RPL13A: variants seen among roughly 807,000 people sequenced by gnomAD.
RPL13A encodes the protein large ribosomal subunit protein uL13.
Under a neutral mutation model 30.8 loss-of-function variants are expected in RPL13A, and 4 were observed. The observed-to-expected ratio is 0.13, with a 90% CI of 0.06 to 0.30. The LOEUF (loss-of-function observed/expected upper bound fraction) is 0.30, where lower values mean the gene tolerates loss of function less well. Among genes scored for constraint, RPL13A ranks in the 10% least tolerant of loss-of-function variants. The probability of loss-of-function intolerance (pLI) is 1.00; values close to 1 mark genes in which losing one functional copy is unlikely to be tolerated. For missense variants in RPL13A, 196 were observed against 272.6 expected, an observed-to-expected ratio of 0.72 and a Z score of 1.98; for synonymous variants, 108 against 104.2, an observed-to-expected ratio of 1.04 and a Z score of -0.22.
rs376405582 is a variant in RPL13A at position 49,489,802 on chromosome 19, T to C, written c.16-48T>C. 4.0e-5 allele frequency: 57 copies of C among 1,431,832 alleles called. 2 individuals carry two copies. The Middle Eastern group carries it at 4.5e-3, about 112-fold the overall frequency. 88.7% of individuals were successfully genotyped at this position (1,431,832 alleles called of 1,614,324 possible). On this transcript the variant is annotated intron_variant, in intron 1 of 7. Coordinates refer to ENST00000391857, the MANE Select transcript of RPL13A (RefSeq NM_012423.4). ...AGGGAATGCTTGCTTGTGAGGACAATCAAAGGCTGTCCTTGTCTCTGAGTC... is the reference window on the plus strand; with the variant it reads ...AGGGAATGCTTGCTTGTGAGGACAACCAAAGGCTGTCCTTGTCTCTGAGTC...
intron 1 of RPL13A, 105 bp from the exon 2 acceptor site, chr19:49,489,745 A>G (rs886307875): frequency 1.1e-6 from 1 of 915,432 alleles, no homozygotes; most frequent in Non-Finnish European, 1.8e-6. Flanking sequence ...GGCTGGGTGC[A>G]AGGCACGCTG....
chr19:49,487,696 C>G, intron 1 of RPL13A, 52 bp downstream of exon 1: 1 of 1,478,042 alleles, frequency 6.8e-7, no homozygotes, highest in Non-Finnish European at 9.0e-7. Flanking sequence ...GGATCCAGGC[C>G]GGAATGGGGT....
Position 49,491,130 on chromosome 19 carries a change from T to G in RPL13A, c.402+31T>G, listed in dbSNP as rs371002818. The G allele has an allele frequency of 2.5e-6, 4 of 1,613,186 alleles. No homozygotes were observed. In the African/African-American group the frequency reaches 5.3e-5, roughly 22 times the overall value. ...TCCCAGCTTACGCTGCACCATCTACTTGGGAGATTTCAGGCCTGCTGAGGG... is the reference window on the plus strand; with the variant it reads ...TCCCAGCTTACGCTGCACCATCTACGTGGGAGATTTCAGGCCTGCTGAGGG... On this transcript the variant is annotated intron_variant, in intron 6 of 7. Transcript: ENST00000391857.
Position 49,491,874 on chromosome 19 carries a change from G to A in RPL13A, c.*59G>A. On this transcript the variant is annotated 3_prime_UTR_variant, in exon 8 of 8. Transcript: ENST00000391857. The stretch of plus-strand genomic sequence containing the variant: ...CCTGCCCTTCCTCCATTGTTGCCCT[G>A]GAATGTACGGGACCCAGGGGCAGCA... The A allele has an allele frequency of 1.5e-6, 2 of 1,355,140 alleles. No homozygotes were observed. The highest frequency in any genetic ancestry group is 2.1e-6 in the Non-Finnish European group (2 of 971,992). The allele number at this position is 1,355,140 out of a possible 1,614,324, so 83.9% of individuals were successfully genotyped here. A position where few individuals can be genotyped will look rare whatever the true frequency, so the allele number is the denominator to read the frequency against.
intron 1 of RPL13A, among the ~76,000 whole-genome samples, chr19:49,488,518 TC>T (rs2079831895): frequency 6.6e-6 from 1 of 152,238 alleles, no homozygotes; most frequent in Admixed American, 6.5e-5. Context: ...TTAACCATAT[TC>T]CTGAGGCAGT....
intron 1 of RPL13A, among the ~76,000 whole-genome samples, chr19:49,489,036 C>T (rs980308352): frequency 2.6e-5 from 4 of 152,312 alleles, no homozygotes; most frequent in South Asian, 2.1e-4. Flanking sequence ...AGCTGAGGTT[C>T]GGTGCCTGAG....
At position 49,491,800 on chromosome 19, in the gene RPL13A, C is replaced by T. The variant is rs757078612; in HGVS notation, c.597C>T (p.His199=). 17 of 1,608,230 alleles carry T rather than the reference C, an allele frequency of 1.1e-5. No homozygotes were observed. The highest frequency in any genetic ancestry group is 2.2e-5 in the South Asian group (2 of 90,530). Residue 199 remains histidine (H), a synonymous_variant, in exon 8 of 8, where the codon CAC becomes CAT. Coordinates refer to ENST00000391857, the MANE Select transcript of RPL13A (RefSeq NM_012423.4). ...AATACACAGAGGTCCTCAAGACCCA[C>T]GGACTCCTGGTCTGAGCCCAATAAA... ...IDKYTEVLKT[H]GLLV
intron 6 of RPL13A, 110 bp downstream of exon 6, chr19:49,491,209 G>A (rs1371258683): frequency 2.2e-6 from 3 of 1,378,232 alleles, no homozygotes; most frequent in Non-Finnish European, 3.1e-6. Flanking sequence ...ATGGTCTGCG[G>A]ATGTCCCTGT....
chr19:49,489,725 C>T (rs2079845246), intron 1 of RPL13A, 125 bp from the exon 2 acceptor site: 1 of 794,792 alleles, frequency 1.3e-6, no homozygotes, highest in Admixed American at 1.8e-5. Flanking sequence ...GCATAGTTCC[C>T]AGCTCTGATG....
chr19:49,491,400 T>TCCCCC (rs1555806959), intron 6 of RPL13A, 25 bp from the exon 7 acceptor site: 53 of 977,626 alleles, frequency 5.4e-5, no homozygotes, highest in South Asian at 2.0e-4. Context: ...CTTCATTTGT[T>TCCCCC]CACCCCCCCC....
chr19:49,489,573 C>T (rs975087034), intron 1 of RPL13A, among the ~76,000 whole-genome samples: 1 of 152,194 alleles, frequency 6.6e-6, no homozygotes, highest in South Asian at 2.1e-4. Context: ...AATTGCTTTG[C>T]AAAATACAAT....
rs1178274597 is a variant in RPL13A, at chr19:49,490,800, A to G, written c.278A>G (p.Lys93Arg). The change falls in exon 5 of 8, where the codon AAG (lysine) becomes AGG (arginine). Residue 93 changes from lysine (K) to arginine (R), a missense_variant. Physicochemically the swap from Lys to Arg is conservative, Grantham distance 26 (BLOSUM62 2). Coordinates refer to ENST00000391857, the MANE Select transcript of RPL13A (RefSeq NM_012423.4). Reference sequence around the variant, plus strand: ...ACAGGTATGCTGCCCCACAAAACCAAGCGAGGCCAGGCCGCTCTGGACCGT... The same window carrying G: ...ACAGGTATGCTGCCCCACAAAACCAGGCGAGGCCAGGCCGCTCTGGACCGT... ...TVRGMLPHKTKRGQAALDRLK... is the reference protein window; with the variant it reads ...TVRGMLPHKTRRGQAALDRLK... 1.2e-6 allele frequency: 2 copies of G among 1,614,004 alleles called. No individual in the cohort carries two copies. Among genetic ancestry groups the G allele is most frequent in the South Asian group, 2.2e-5 (2 of 91,092 alleles).
chr19:49,491,581 T>C, intron 7 of RPL13A, 34 bp downstream of exon 7: 1 of 1,554,782 alleles, frequency 6.4e-7, no homozygotes, highest in South Asian at 1.2e-5. Context: ...GGGGGGCATC[T>C]CACTCCTGGA....
At position 49,487,625 on chromosome 19, in the gene RPL13A, C is replaced by G. The variant is rs374716280; in HGVS notation, c.-5C>G. ...ACCTCCTCCTTTTCCAAGCGGCTGCCGAAGATGGCGGAGGTGCAGGTATGG... is the reference window on the plus strand; with the variant it reads ...ACCTCCTCCTTTTCCAAGCGGCTGCGGAAGATGGCGGAGGTGCAGGTATGG... On this transcript the variant is annotated 5_prime_UTR_variant, in exon 1 of 8. Transcript: ENST00000391857. The G allele has an allele frequency of 1.5e-4, 232 of 1,575,084 alleles. 2 individuals carry two copies. In the African/African-American group the frequency reaches 1.9e-3, roughly 13 times the overall value.
chr19:49,488,501 A>G (rs531218169), intron 1 of RPL13A, among the ~76,000 whole-genome samples: 52 of 152,352 alleles, frequency 3.4e-4, no homozygotes, highest in African/African-American at 1.1e-3. Flanking sequence ...TGTTTTGCGT[A>G]GTTCAGTTAA....
At chr19:49,490,075 A>G (rs1350800513) in intron 2 of RPL13A, 153 bp downstream of exon 2, 1 of 1,015,204 alleles carries the variant, frequency 9.9e-7, no homozygotes, top group South Asian at 1.3e-5. Flanking sequence ...AGGGTTGGGG[A>G]CTCCAGGCTC....
At chr19:49,490,614 G>A (rs1220456225) in intron 4 of RPL13A, 38 bp downstream of exon 4, 2 of 1,605,370 alleles carry the variant, frequency 1.2e-6, no homozygotes, top group Admixed American at 3.3e-5. Context: ...GTGACGGGCA[G>A]GCGGCCGGTG....
At chr19:49,488,184 GC>G (rs1365268852) in intron 1 of RPL13A, among the ~76,000 whole-genome samples, 1 of 152,184 alleles carries the variant, frequency 6.6e-6, no homozygotes, top group African/African-American at 2.4e-5. Context: ...GCTGTTGGCT[GC>G]GGGGCACTCT....
chr19:49,490,792 C>G lies in RPL13A; in HGVS notation c.270C>G (p.His90Gln). 2 of 1,614,168 alleles carry G rather than the reference C, an allele frequency of 1.2e-6. No individual in the cohort carries two copies. Among genetic ancestry groups the G allele is most frequent in the South Asian group, 2.2e-5 (2 of 91,090 alleles). ...GTCACCCAACAGGTATGCTGCCCCA[C>G]AAAACCAAGCGAGGCCAGGCCGCTC... is the stretch of plus-strand genomic sequence containing the variant. ...FWRTVRGMLP[H>Q]KTKRGQAALD... Residue 90 changes from histidine (H) to glutamine (Q), a missense_variant, in exon 5 of 8, where the codon CAC becomes CAG. Physicochemically the swap from His to Gln is conservative, Grantham distance 24. Coordinates refer to ENST00000391857, the MANE Select transcript of RPL13A (RefSeq NM_012423.4).
Sources: gnomAD v4.1 joint callset for allele counts (sites outside exome capture counted in the v4.1 genomes callset) on GRCh38, gnomAD v4.1.1 for gene constraint, MANE v1.5 for transcripts, NCBI Gene and HGNC (gene_info 2026-07-23, HGNC 2026-07-21) for gene names.